DNAH11: variants seen among roughly 807,000 people sequenced by gnomAD.
DNAH11 encodes the protein axonemal beta dynein heavy chain 11.
DNAH11 carries 442 observed loss-of-function variants against 526.0 expected under a neutral mutation model. The observed-to-expected ratio is 0.84, with a 90% CI of 0.78 to 0.91. The LOEUF (loss-of-function observed/expected upper bound fraction) is 0.91. Ranked by LOEUF, DNAH11 falls within the 40% of genes least tolerant of loss-of-function variation. DNAH11 has a pLI of 0.00. For missense variants in DNAH11, 6,989 were observed against 5,448.7 expected, an observed-to-expected ratio of 1.28 and a Z score of -8.90; for synonymous variants, 2,461 against 1,935.9, an observed-to-expected ratio of 1.27 and a Z score of -7.12.
intron 31 of DNAH11, among the ~76,000 whole-genome samples, chr7:21,682,525 CAA>C (rs60337481): frequency 0.03 from 2,864 of 95,830 alleles, 36 homozygotes; most frequent in African/African-American, 0.092. Flanking sequence ...GACTCCATCT[CAA>C]AAAAAAAAAA....
rs112936919 is a variant in DNAH11, at chr7:21,742,938, A to G, written c.8154+772A>G. Among the ~76,000 whole-genome samples the G allele has an allele frequency of 1.5e-3, 232 of 152,314 alleles. 1 individual carries two copies. The highest frequency in any genetic ancestry group is 5.4e-3 in the African/African-American group (225 of 41,576). ...GCACTGGCAGATTCAGTGTCTGGTGAGGGCCTGGTCTCTGCTTCCAAAATG... is the reference window on the plus strand; with the variant it reads ...GCACTGGCAGATTCAGTGTCTGGTGGGGGCCTGGTCTCTGCTTCCAAAATG... On this transcript the variant is annotated intron_variant, in intron 49 of 81. Transcript: ENST00000409508.
At chr7:21,851,328 T>G (rs1284914932) in intron 66 of DNAH11, 1 of 261,036 alleles carries the variant, frequency 3.8e-6, no homozygotes, top group Non-Finnish European at 7.7e-6. Flanking sequence ...ATTGTAAGTT[T>G]CCTGATGCCT....
intron 46 of DNAH11, among the ~76,000 whole-genome samples, chr7:21,736,943 A>G (rs1468079606): frequency 6.6e-6 from 1 of 152,228 alleles, no homozygotes; most frequent in Non-Finnish European, 1.5e-5. Context: ...AGACTCTATG[A>G]TTTATAAATG....
intron 25 of DNAH11, among the ~76,000 whole-genome samples, chr7:21,629,581 A>G (rs369115688): frequency 9.2e-5 from 14 of 152,220 alleles, no homozygotes; most frequent in East Asian, 1.9e-4. Context: ...TTTGTGTTAT[A>G]TACCTGGGAG....
chr7:21,583,641 C>T (rs756214911), intron 9 of DNAH11, among the ~76,000 whole-genome samples: 1 of 152,138 alleles, frequency 6.6e-6, no homozygotes, highest in Admixed American at 6.5e-5. Flanking sequence ...TCAGAGTGAA[C>T]AGGCAACCTA....
At chr7:21,804,224 T>G (rs1219383631) in intron 62 of DNAH11, among the ~76,000 whole-genome samples, 1 of 152,138 alleles carries the variant, frequency 6.6e-6, no homozygotes, top group Non-Finnish European at 1.5e-5. Context: ...TTCTCCTGCC[T>G]CAGCCTCCCG....
chr7:21,693,749 G>T (rs1037699512), intron 35 of DNAH11, among the ~76,000 whole-genome samples: 123 of 152,148 alleles, frequency 8.1e-4, no homozygotes, highest in African/African-American at 2.9e-3. Context: ...GGCACACACT[G>T]GTTCATTGTA....
chr7:21,636,908 C>G (rs981986491), intron 26 of DNAH11, among the ~76,000 whole-genome samples: 1 of 152,052 alleles, frequency 6.6e-6, no homozygotes, highest in Admixed American at 6.6e-5. Context: ...AATAACACTA[C>G]TAGTTTCGGT....
intron 65 of DNAH11, among the ~76,000 whole-genome samples, chr7:21,828,373 C>T (rs1479917041): frequency 6.6e-6 from 1 of 152,206 alleles, no homozygotes; most frequent in Admixed American, 6.5e-5. Context: ...GCATTCCAGT[C>T]TGTTCTAATT....
chr7:21,787,243 C>T (rs963711400), intron 59 of DNAH11, among the ~76,000 whole-genome samples, 158 bp from the exon 60 acceptor site: 5 of 152,172 alleles, frequency 3.3e-5, no homozygotes, highest in Admixed American at 2.6e-4. Flanking sequence ...ATTCTGACTT[C>T]GTACTATAAA....
chr7:21,818,367 A>T lies in DNAH11; in HGVS notation c.10691+28A>T, dbSNP rs1187747577. 6 of 1,594,882 alleles carry T rather than the reference A, an allele frequency of 3.8e-6. No individual in the cohort carries two copies. The Admixed American group carries it at 1.1e-4, about 29-fold the overall frequency. ...AAGTATTCTTGAATTTTTAACATAT[A>T]TATCTTGCTAAATGATTTTCAGCAG... On this transcript the variant is annotated intron_variant, in intron 65 of 81. Transcript: ENST00000409508.
rs1310189737 is a variant in DNAH11, at chr7:21,618,853, T to C, written c.4255-247T>C. Reference sequence around the variant, plus strand: ...AAGAAACGTGCCGACAAGGGAAAGATGTGAAACAAAGAAAATAGTGTAGCA... The same window carrying C: ...AAGAAACGTGCCGACAAGGGAAAGACGTGAAACAAAGAAAATAGTGTAGCA... On this transcript the variant is annotated intron_variant, in intron 23 of 81. Transcript: ENST00000409508. Among the ~76,000 whole-genome samples, 3 of 152,158 alleles carry C rather than the reference T, an allele frequency of 2.0e-5. No homozygotes were observed. The South Asian group carries it at 6.2e-4, about 31-fold the overall frequency.
chr7:21,901,820 T>TAAAACTGTTCTACAGTTAATTGCA (rs1784883727), exon 82 of DNAH11: 2 of 165,780 alleles, frequency 1.2e-5, no homozygotes, highest in Non-Finnish European at 2.7e-5. Context: ...TTAATAAAAA[T>TAAAACTGTTCTACAGTTAATTGCA]AAAACTGTTC....
intron 34 of DNAH11, among the ~76,000 whole-genome samples, chr7:21,687,740 T>C (rs1216859222): frequency 1.3e-5 from 2 of 152,214 alleles, no homozygotes; most frequent in East Asian, 3.8e-4. Flanking sequence ...TACATTACTT[T>C]AATCACTTAA....
At chr7:21,619,337 G>T (rs1785931776) in intron 24 of DNAH11, 115 bp downstream of exon 24, 1 of 1,252,352 alleles carries the variant, frequency 8.0e-7, no homozygotes. Flanking sequence ...ATGAGTCCCA[G>T]TTTGTTCCCT....
At chr7:21,581,273 C>G (rs1020737459) in intron 8 of DNAH11, among the ~76,000 whole-genome samples, 1 of 152,100 alleles carries the variant, frequency 6.6e-6, no homozygotes, top group Admixed American at 6.5e-5. Context: ...ATTCTTTCAC[C>G]GTTTCATTGT....
rs535357738 is a variant in DNAH11, at chr7:21,900,969, G to GCTGCCACACAATT, written c.13304-37_13304-25dup. The GCTGCCACACAATT allele has an allele frequency of 6.5e-4, 985 of 1,526,916 alleles. 9 individuals are homozygous for GCTGCCACACAATT. The African/African-American group carries it at 0.012, about 19-fold the overall frequency. 94.6% of individuals were successfully genotyped at this position (1,526,916 alleles called of 1,614,324 possible). On this transcript the variant is annotated intron_variant, in intron 81 of 81. Coordinates refer to ENST00000409508, the MANE Select transcript of DNAH11 (RefSeq NM_001277115.2). ...ACTTGATCATTATCATTAGTAGCAA[G>GCTGCCACACAATT]CTGCCACACAATTGCAACCGCTGTG...
intron 36 of DNAH11, among the ~76,000 whole-genome samples, chr7:21,701,440 C>T (rs1784055046): frequency 6.6e-6 from 1 of 152,092 alleles, no homozygotes; most frequent in South Asian, 2.1e-4. Flanking sequence ...TAGGCGTGCA[C>T]CATCACGCCC....
At chr7:21,543,918 C>G (rs191563248) in intron 1 of DNAH11, 2 of 369,902 alleles carry the variant, frequency 5.4e-6, no homozygotes, top group Non-Finnish European at 4.8e-6. Context: ...GCTTTCTGTG[C>G]CAAAAAACTT....
Sources: allele counts gnomAD v4.1 joint callset (sites outside exome capture counted in the v4.1 genomes callset), GRCh38; gene constraint gnomAD v4.1.1; transcripts MANE v1.5; gene names NCBI Gene and HGNC (gene_info 2026-07-23, HGNC 2026-07-21).